Variants in ARID2 observed in about 807,000 individuals in gnomAD.
The protein encoded by ARID2 is AT-rich interactive domain-containing protein 2.
ARID2 carries 32 observed loss-of-function variants against 184.6 expected under a neutral mutation model. The observed-to-expected ratio is 0.17, with a 90% CI of 0.13 to 0.23. The LOEUF (loss-of-function observed/expected upper bound fraction) is 0.23, where lower values mean the gene tolerates loss of function less well. Ranked by LOEUF, ARID2 falls within the 10% of genes least tolerant of loss-of-function variation. The pLI is 1.00. For missense variants in ARID2, 1,696 were observed against 2,197.6 expected (o/e 0.77, Z 4.56); for synonymous variants, 836 against 772.6 (o/e 1.08, Z -1.36).
At chr12:45,844,604 T>C (rs967917831) in intron 11 of ARID2, among the ~76,000 whole-genome samples, 10 of 152,216 alleles carry the variant, frequency 6.6e-5, no homozygotes, top group Non-Finnish European at 1.0e-4. Flanking sequence ...TTTCTAATTC[T>C]CTCTTTAGTG....
At chr12:45,864,513 GT>G (rs1555157163) in intron 16 of ARID2, among the ~76,000 whole-genome samples, 1 of 145,588 alleles carries the variant, frequency 6.9e-6, no homozygotes, top group East Asian at 2.0e-4. Flanking sequence ...TTCTTTGCAA[GT>G]TTTTGTTGAA....
intron 6 of ARID2, among the ~76,000 whole-genome samples, chr12:45,829,126 T>C (rs1179223549): frequency 6.6e-6 from 1 of 152,086 alleles, no homozygotes. Flanking sequence ...CTCATATGGA[T>C]ACCCACTTGA....
chr12:45,763,664 AT>A (rs1191350597), intron 3 of ARID2, among the ~76,000 whole-genome samples: 1 of 150,726 alleles, frequency 6.6e-6, no homozygotes, highest in Non-Finnish European at 1.5e-5. Flanking sequence ...TTTTTTTAAA[AT>A]TTTTTTGTAG....
At chr12:45,751,880 C>T (rs761497131) in intron 3 of ARID2, among the ~76,000 whole-genome samples, 1 of 152,134 alleles carries the variant, frequency 6.6e-6, no homozygotes, top group Non-Finnish European at 1.5e-5. Flanking sequence ...TGGTCATTGA[C>T]CTAAATGTCA....
chr12:45,844,589 T>C (rs1433808642), intron 11 of ARID2, among the ~76,000 whole-genome samples: 1 of 152,226 alleles, frequency 6.6e-6, no homozygotes, highest in African/African-American at 2.4e-5. Context: ...TCATGGATAC[T>C]AATGTTTCTA....
intron 3 of ARID2, among the ~76,000 whole-genome samples, chr12:45,793,699 A>C (rs1942335922): frequency 6.6e-6 from 1 of 151,816 alleles, no homozygotes; most frequent in Non-Finnish European, 1.5e-5. Flanking sequence ...ATACACACAC[A>C]CACACATATA....
rs1213989964 is a variant in ARID2 at position 45,850,251 on chromosome 12, C to G, written c.2128C>G (p.Pro710Ala). 1 of 1,614,004 alleles carries G rather than the reference C, an allele frequency of 6.2e-7. No individual in the cohort carries two copies. Among genetic ancestry groups the G allele is most frequent in the Non-Finnish European group, 8.5e-7 (1 of 1,179,994 alleles). The change falls in exon 15 of 21, where the codon CCT (proline) becomes GCT (alanine). Residue 710 changes from proline (P) to alanine (A), a missense_variant. Pro to Ala is a conservative substitution (Grantham distance 27). Around this residue, in one of 11 missense-constraint regions of ARID2, gnomAD observed 713 missense variants for 824.4 expected, o/e 0.86. Coordinates refer to ENST00000334344, the MANE Select transcript of ARID2 (RefSeq NM_152641.4). ...TGTCATTCAAAGTAAAGCTCCAATTCCTTGTGAAGTTGTTAAGGCTACAGT... is the reference window on the plus strand; with the variant it reads ...TGTCATTCAAAGTAAAGCTCCAATTGCTTGTGAAGTTGTTAAGGCTACAGT... ...VTVIQSKAPI[P>A]CEVVKATVIQ...
At chr12:45,873,839 C>G (rs1287375681) in intron 16 of ARID2, among the ~76,000 whole-genome samples, 1 of 152,146 alleles carries the variant, frequency 6.6e-6, no homozygotes, top group African/African-American at 2.4e-5. Context: ...GGTGAAAGGT[C>G]TTGCCTCGAT....
rs192612373 is a variant in ARID2, at chr12:45,731,385, A to G, written c.284+71A>G. ...ATGGAGAGATTTGTTTTTAGCAAAA[A>G]CAAAAGCAAACCTTGCACACCAAAC... On this transcript the variant is annotated intron_variant, in intron 3 of 20. Transcript: ENST00000334344. 1.1e-5 allele frequency: 12 copies of G among 1,080,562 alleles called. No individual in the cohort carries two copies. The Admixed American group carries it at 1.6e-4, about 14-fold the overall frequency. The allele number at this position is 1,080,562 out of a possible 1,614,324, so 66.9% of individuals were successfully genotyped here. A position where few individuals can be genotyped will look rare whatever the true frequency, so the allele number is the denominator to read the frequency against.
intron 16 of ARID2, among the ~76,000 whole-genome samples, chr12:45,878,488 T>C (rs1011294759): frequency 6.6e-6 from 1 of 152,200 alleles, no homozygotes; most frequent in African/African-American, 2.4e-5. Context: ...TCAAGTCCAC[T>C]GATTCTTTCC....
At chr12:45,889,422 G>T (rs747250023) in intron 16 of ARID2, among the ~76,000 whole-genome samples, 215 of 152,168 alleles carry the variant, frequency 1.4e-3, no homozygotes, top group Non-Finnish European at 2.4e-3. Flanking sequence ...TGAACATATT[G>T]TTTATGATTT....
At chr12:45,858,145 C>G (rs555522554) in intron 15 of ARID2, among the ~76,000 whole-genome samples, 1 of 152,238 alleles carries the variant, frequency 6.6e-6, no homozygotes, top group Admixed American at 6.5e-5. Context: ...TCCTTCTCAC[C>G]TCTTCTTTAG....
intron 3 of ARID2, among the ~76,000 whole-genome samples, chr12:45,786,476 A>G (rs950211034): frequency 1.3e-5 from 2 of 152,224 alleles, no homozygotes; most frequent in African/African-American, 4.8e-5. Flanking sequence ...TGCTTTTCAG[A>G]TCTTTTATTC....
chr12:45,838,906 C>T (rs1270944538), intron 10 of ARID2, among the ~76,000 whole-genome samples: 1 of 149,936 alleles, frequency 6.7e-6, no homozygotes, highest in African/African-American at 2.5e-5. Context: ...CACTCTGTCG[C>T]CCAGGCTGGA....
chr12:45,824,039 A>G (rs149448237), intron 6 of ARID2, among the ~76,000 whole-genome samples: 2 of 152,252 alleles, frequency 1.3e-5, no homozygotes, highest in African/African-American at 4.8e-5. Flanking sequence ...TCCTCAACAA[A>G]ATGCTAGCAA....
At chr12:45,891,482 A>G (rs1189000694) in intron 16 of ARID2, among the ~76,000 whole-genome samples, 1 of 152,210 alleles carries the variant, frequency 6.6e-6, no homozygotes, top group Admixed American at 6.5e-5. Flanking sequence ...GAGTTATTAT[A>G]TGTAATATGA....
rs2138175048 is a variant in ARID2 at position 45,851,975 on chromosome 12, G to C, written c.3852G>C (p.Lys1284Asn). ...CAAACACCAGCAATGGGGATACAAA[G>C]GAAAATGAAATGCATGTGGGAAGTC... ...GATNTSNGDT[K>N]ENEMHVGSLL... The change falls in exon 15 of 21, where the codon AAG becomes AAC. Residue 1284 changes from lysine (K) to asparagine (N), a missense_variant. Lys to Asn is a moderately conservative substitution (Grantham distance 94, BLOSUM62 0). This residue lies in a region of ARID2 where 428 missense variants were observed against 409.1 expected (regional missense o/e 1.05). Coordinates refer to ENST00000334344, the MANE Select transcript of ARID2 (RefSeq NM_152641.4). 6.2e-7 allele frequency: 1 copy of C among 1,614,032 alleles called. No homozygotes were observed. Among genetic ancestry groups the C allele is most frequent in the East Asian group, 2.2e-5 (1 of 44,846 alleles).
chr12:45,775,472 T>A (rs1432253651), intron 3 of ARID2, among the ~76,000 whole-genome samples: 1 of 152,220 alleles, frequency 6.6e-6, no homozygotes, highest in Non-Finnish European at 1.5e-5. Context: ...TTTTAAGTTT[T>A]CAAATTTTTT....
chr12:45,790,494 G>A (rs1016595808), intron 3 of ARID2, among the ~76,000 whole-genome samples: 1 of 152,028 alleles, frequency 6.6e-6, no homozygotes, highest in African/African-American at 2.4e-5. Flanking sequence ...TCTCAGTACT[G>A]TTTTATGATT....
Sources: gnomAD v4.1 joint callset for allele counts (sites outside exome capture counted in the v4.1 genomes callset) on GRCh38, gnomAD v4.1.1 for gene constraint, gnomAD v4.1.1 regional missense constraint, MANE v1.5 for transcripts, NCBI Gene and HGNC (gene_info 2026-07-23, HGNC 2026-07-21) for gene names.